The following JARID2 variants were observed in gnomAD, a reference collection of about 807,000 sequenced individuals.
JARID2 encodes the protein protein Jumonji.
In JARID2, 21 loss-of-function variants were observed where a neutral mutation model predicts 125.6. That is an observed-to-expected ratio of 0.17 (90% CI 0.12 to 0.24). The LOEUF is 0.24. JARID2 is among the 10% of genes least tolerant of loss of function. The pLI is 1.00. For missense variants in JARID2, 1,303 were observed against 1,639.6 expected (o/e 0.79, Z 3.55); for synonymous variants, 736 against 661.6 (o/e 1.11, Z -1.73).
intron 1 of JARID2, among the ~76,000 whole-genome samples, chr6:15,256,602 C>A (rs1759675109): frequency 1.2e-5 from 1 of 81,760 alleles, no homozygotes; most frequent in African/African-American, 4.0e-5. Flanking sequence ...CCACTTCACA[C>A]ATCCGGGGCT....
intron 16 of JARID2, among the ~76,000 whole-genome samples, chr6:15,515,035 T>C (rs1171470645): frequency 8.6e-6 from 1 of 116,774 alleles, no homozygotes; most frequent in South Asian, 3.0e-4. Flanking sequence ...CTTGGTGTGC[T>C]CTCTCTCTGT....
At chr6:15,329,287 G>C (rs1762630025) in intron 1 of JARID2, among the ~76,000 whole-genome samples, 1 of 151,488 alleles carries the variant, frequency 6.6e-6, no homozygotes, top group Admixed American at 6.6e-5. Context: ...CTTCTGCTTT[G>C]TGGTTGTGAT....
intron 3 of JARID2, among the ~76,000 whole-genome samples, chr6:15,433,002 G>A (rs1006236559): frequency 3.3e-5 from 5 of 152,208 alleles, no homozygotes; most frequent in African/African-American, 1.2e-4. Context: ...ATTCAGTTAA[G>A]TCTGAGGTGG....
At chr6:15,409,254 A>C (rs1028362816) in intron 2 of JARID2, among the ~76,000 whole-genome samples, 1 of 152,212 alleles carries the variant, frequency 6.6e-6, no homozygotes, top group Admixed American at 6.5e-5. Flanking sequence ...TGGAAGGACT[A>C]GAAGAGCAAA....
At position 15,469,583 on chromosome 6, in the gene JARID2, C is replaced by T. The variant is rs528681522; in HGVS notation, c.670+865C>T. 2.9e-4 allele frequency among the ~76,000 whole-genome samples: 43 copies of T among 150,770 alleles called. No homozygotes were observed. In the East Asian group the frequency reaches 7.8e-3, roughly 27 times the overall value. Reference sequence around the variant, plus strand: ...GAGTAGCTGGGACTACAGGCCCCCACGTATTACAGACATGAGCCACCACGC... The same window carrying T: ...GAGTAGCTGGGACTACAGGCCCCCATGTATTACAGACATGAGCCACCACGC... On this transcript the variant is annotated intron_variant, in intron 5 of 17. Transcript: ENST00000341776.
chr6:15,389,967 T>C (rs1260644001), intron 2 of JARID2, among the ~76,000 whole-genome samples: 2 of 152,200 alleles, frequency 1.3e-5, no homozygotes, highest in Admixed American at 6.5e-5. Context: ...GAGACTTTTT[T>C]CCTAGAGATG....
chr6:15,320,108 T>C (rs1762303027), intron 1 of JARID2, among the ~76,000 whole-genome samples: 1 of 152,186 alleles, frequency 6.6e-6, no homozygotes, highest in South Asian at 2.1e-4. Flanking sequence ...GTTTCAAATA[T>C]TTACCATGGT....
At chr6:15,374,650 A>T (rs543956300) in intron 2 of JARID2, among the ~76,000 whole-genome samples, 1 of 152,342 alleles carries the variant, frequency 6.6e-6, no homozygotes, top group South Asian at 2.1e-4. Context: ...TCTCTGGCTC[A>T]GCGGCTTTCT....
chr6:15,434,188 A>G (rs537691356), intron 3 of JARID2, among the ~76,000 whole-genome samples: 145 of 151,906 alleles, frequency 9.5e-4, no homozygotes, highest in Non-Finnish European at 1.8e-3. Flanking sequence ...TGTAGATCAG[A>G]GAATGAGAGA....
chr6:15,482,507 C>T (rs759950293), intron 5 of JARID2, among the ~76,000 whole-genome samples: 10 of 152,016 alleles, frequency 6.6e-5, no homozygotes, highest in East Asian at 1.9e-4. Flanking sequence ...AATCATAGTC[C>T]AAAACCAAAA....
At chr6:15,427,527 G>C (rs1485259906) in intron 3 of JARID2, among the ~76,000 whole-genome samples, 1 of 152,006 alleles carries the variant, frequency 6.6e-6, no homozygotes, top group Non-Finnish European at 1.5e-5. Context: ...TGGTTGCCAT[G>C]GAAACTGCTG....
At chr6:15,375,455 T>A (rs1425781847) in intron 2 of JARID2, among the ~76,000 whole-genome samples, 2 of 152,212 alleles carry the variant, frequency 1.3e-5, no homozygotes, top group East Asian at 3.9e-4. Flanking sequence ...CCAACATGTA[T>A]GGGAAAGGCC....
At chr6:15,419,636 T>C (rs1766395646) in intron 3 of JARID2, among the ~76,000 whole-genome samples, 1 of 152,206 alleles carries the variant, frequency 6.6e-6, no homozygotes, top group South Asian at 2.1e-4. Context: ...CTTCATTTCT[T>C]ATAGATATTT....
chr6:15,395,751 G>A (rs529888928), intron 2 of JARID2, among the ~76,000 whole-genome samples: 5 of 151,786 alleles, frequency 3.3e-5, no homozygotes, highest in East Asian at 1.9e-4. Flanking sequence ...TGCAGTGTTT[G>A]TCTCTTGGGT....
At chr6:15,499,563 G>A (rs1042947509) in intron 7 of JARID2, among the ~76,000 whole-genome samples, 6 of 152,162 alleles carry the variant, frequency 3.9e-5, no homozygotes, top group African/African-American at 1.4e-4. Context: ...TCGTTTTGGT[G>A]CCTACCTCTG....
chr6:15,428,392 G>GT (rs1343432927), intron 3 of JARID2, among the ~76,000 whole-genome samples: 4 of 152,058 alleles, frequency 2.6e-5, no homozygotes, highest in African/African-American at 9.7e-5. Flanking sequence ...TTAGCATTAG[G>GT]TATGTCTCCT....
intron 1 of JARID2, among the ~76,000 whole-genome samples, chr6:15,279,271 TATTTTCAAC>T (rs1273723439): frequency 3.3e-5 from 5 of 152,224 alleles, no homozygotes; most frequent in African/African-American, 1.2e-4. Context: ...AGGTTGTGTG[TATTTTCAAC>T]ATTAGTGAAA....
intron 5 of JARID2, among the ~76,000 whole-genome samples, chr6:15,476,878 A>AT (rs1196169966): frequency 1.2e-4 from 18 of 152,110 alleles, no homozygotes; most frequent in Admixed American, 1.0e-3. Context: ...ATAATTGGTT[A>AT]TTTTTTCCAG....
chr6:15,257,977 G>A (rs1196072110), intron 1 of JARID2, among the ~76,000 whole-genome samples: 1 of 152,166 alleles, frequency 6.6e-6, no homozygotes, highest in Non-Finnish European at 1.5e-5. Flanking sequence ...GGAGAGCCTT[G>A]GGTAATTGTA....
Sources: gnomAD v4.1 joint callset for allele counts (sites outside exome capture counted in the v4.1 genomes callset) on GRCh38, gnomAD v4.1.1 for gene constraint, MANE v1.5 for transcripts, NCBI Gene and HGNC (gene_info 2026-07-23, HGNC 2026-07-21) for gene names.